Variants in MYO3B observed in about 807,000 individuals in gnomAD.
MYO3B encodes the protein myosin-IIIb.
In MYO3B, 156 loss-of-function variants were observed where a neutral mutation model predicts 174.6. The ratio of observed to expected loss-of-function variants is 0.89; its 90% CI spans 0.78 to 1.02. The LOEUF (loss-of-function observed/expected upper bound fraction) is 1.02, where lower values mean the gene tolerates loss of function less well. Ranked by LOEUF, MYO3B falls within the 50% of genes least tolerant of loss-of-function variation. The pLI, the probability that MYO3B is intolerant of heterozygous loss-of-function variation, is 0.00. For missense variants in MYO3B, 1,632 were observed against 1,639.4 expected (o/e 1.00, Z 0.08); for synonymous variants, 563 against 569.1 (o/e 0.99, Z 0.15).
intron 1 of MYO3B, among the ~76,000 whole-genome samples, chr2:170,183,321 T>A (rs2092426403): frequency 6.6e-6 from 1 of 152,196 alleles, no homozygotes. Flanking sequence ...ACAGTAAGGT[T>A]TTCTATCCAA....
In MYO3B at chr2:170,644,253, A is replaced by G. The variant is rs191881622; in HGVS notation, c.3734-7375A>G. 1.9e-3 allele frequency among the ~76,000 whole-genome samples: 291 copies of G among 152,124 alleles called. 1 individual carries two copies. The highest frequency in any genetic ancestry group is 6.8e-3 in the African/African-American group (282 of 41,514). ...TGTAATAAAGAATTATTGGTTGTTT[A>G]TCTGAAATTCAAATCTATCTAACTG... is the stretch of plus-strand genomic sequence containing the variant. On this transcript the variant is annotated intron_variant, in intron 32 of 34. Coordinates refer to ENST00000408978, the MANE Select transcript of MYO3B (RefSeq NM_138995.5).
chr2:170,333,164 G>T (rs28592793), intron 7 of MYO3B, among the ~76,000 whole-genome samples: 10 of 152,196 alleles, frequency 6.6e-5, no homozygotes, highest in African/African-American at 2.2e-4. Context: ...CGGCTGTAGA[G>T]ATGATCTAGG....
At chr2:170,259,674 T>A (rs1270912745) in intron 7 of MYO3B, among the ~76,000 whole-genome samples, 1 of 152,154 alleles carries the variant, frequency 6.6e-6, no homozygotes, top group Non-Finnish European at 1.5e-5. Flanking sequence ...TCAAAAGTAG[T>A]TGCAATGAAA....
Position 170,251,954 on chromosome 2 carries a change from A to G in MYO3B, c.749+15818A>G, listed in dbSNP as rs374984929. On this transcript the variant is annotated intron_variant, in intron 7 of 34. Transcript: ENST00000408978. ...GATGGTTAGTTAGATCCATGGCTGG[A>G]TCTCATACATTCTTACTCCTAAGTT... is the stretch of plus-strand genomic sequence containing the variant. 2.8e-4 allele frequency among the ~76,000 whole-genome samples: 43 copies of G among 152,330 alleles called. No individual in the cohort carries two copies. The South Asian group carries it at 3.7e-3, about 13-fold the overall frequency.
intron 25 of MYO3B, among the ~76,000 whole-genome samples, chr2:170,486,006 G>GA (rs1686025420): frequency 6.7e-6 from 1 of 149,624 alleles, no homozygotes; most frequent in Admixed American, 6.6e-5. Flanking sequence ...GAAAGAAAGA[G>GA]GGAGAGAGAG....
intron 32 of MYO3B, among the ~76,000 whole-genome samples, chr2:170,579,656 C>G (rs763413905): frequency 1.3e-5 from 2 of 152,212 alleles, no homozygotes; most frequent in Non-Finnish European, 2.9e-5. Context: ...TTGTCAGGGC[C>G]ATTGTCAGGG....
chr2:170,558,323 A>C (rs1226106378), intron 32 of MYO3B, among the ~76,000 whole-genome samples: 1 of 151,978 alleles, frequency 6.6e-6, no homozygotes, highest in African/African-American at 2.4e-5. Context: ...AAAATGCTTA[A>C]AACGAAAATG....
chr2:170,608,520 T>C (rs1379912069), intron 32 of MYO3B, among the ~76,000 whole-genome samples: 1 of 152,120 alleles, frequency 6.6e-6, no homozygotes, highest in African/African-American at 2.4e-5. Context: ...CTCCTTTGCT[T>C]CTCCAGAGGT....
Position 170,382,114 on chromosome 2 carries a change from T to C in MYO3B, c.1068+2T>C. 6.2e-7 allele frequency: 1 copy of C among 1,609,796 alleles called. No individual in the cohort carries two copies. The highest frequency in any genetic ancestry group is 2.2e-5 in the East Asian group (1 of 44,800). On this transcript the variant is annotated splice_donor_variant, in intron 10 of 34. Coordinates refer to ENST00000408978, the MANE Select transcript of MYO3B (RefSeq NM_138995.5). LOFTEE classifies it high-confidence loss of function. ...GTCAACCTAGAGGTTCTGGATGAGGTACTAAATATTTAGTAGACAATTCTC... is the reference window on the plus strand; with the variant it reads ...GTCAACCTAGAGGTTCTGGATGAGGCACTAAATATTTAGTAGACAATTCTC...
chr2:170,398,024 C>T (rs1451126391), intron 16 of MYO3B, among the ~76,000 whole-genome samples: 1 of 151,788 alleles, frequency 6.6e-6, no homozygotes, highest in Non-Finnish European at 1.5e-5. Context: ...GAGTTCAAGA[C>T]CAGCCTGACC....
chr2:170,321,719 A>G (rs2093827795), intron 7 of MYO3B, among the ~76,000 whole-genome samples: 1 of 152,088 alleles, frequency 6.6e-6, no homozygotes, highest in Non-Finnish European at 1.5e-5. Flanking sequence ...CTTAATGTTG[A>G]TGTATTTATT....
At chr2:170,381,807 G>A (rs1043630034) in intron 9 of MYO3B, among the ~76,000 whole-genome samples, 6 of 152,180 alleles carry the variant, frequency 3.9e-5, no homozygotes, top group Non-Finnish European at 8.8e-5. Flanking sequence ...ACTCTGGCAG[G>A]AAGTAGACTT....
chr2:170,591,554 A>G (rs565650855), intron 32 of MYO3B, among the ~76,000 whole-genome samples: 1 of 151,932 alleles, frequency 6.6e-6, no homozygotes, highest in Admixed American at 6.5e-5. Flanking sequence ...TAGTGTAGAA[A>G]GGGAGGGTGC....
intron 22 of MYO3B, among the ~76,000 whole-genome samples, chr2:170,410,280 T>C (rs1219330852): frequency 1.3e-5 from 2 of 152,060 alleles, no homozygotes; most frequent in South Asian, 2.1e-4. Context: ...AAGATCAAAG[T>C]TGAGGCCAGG....
At chr2:170,265,394 A>C (rs1421865018) in intron 7 of MYO3B, among the ~76,000 whole-genome samples, 1 of 152,258 alleles carries the variant, frequency 6.6e-6, no homozygotes, top group Non-Finnish European at 1.5e-5. Flanking sequence ...AAAAACCTAC[A>C]TTATATGTGA....
intron 22 of MYO3B, among the ~76,000 whole-genome samples, chr2:170,414,886 A>G (rs2094568606): frequency 6.6e-6 from 1 of 152,224 alleles, no homozygotes; most frequent in African/African-American, 2.4e-5. Context: ...GCTAATATGT[A>G]GAAATACAGA....
chr2:170,359,002 A>C (rs1051967785), intron 8 of MYO3B, among the ~76,000 whole-genome samples: 1 of 152,190 alleles, frequency 6.6e-6, no homozygotes, highest in Non-Finnish European at 1.5e-5. Context: ...TAGTCAGAAA[A>C]GTAAAAGAAT....
At chr2:170,231,867 A>C (rs1445067825) in intron 6 of MYO3B, among the ~76,000 whole-genome samples, 2 of 152,258 alleles carry the variant, frequency 1.3e-5, no homozygotes. Context: ...GTAGAATATT[A>C]GAGCTAGAAG....
chr2:170,411,969 C>T (rs1341936023), intron 22 of MYO3B: 1 of 152,226 alleles, frequency 6.6e-6, no homozygotes, highest in Non-Finnish European at 1.5e-5. Context: ...CTTTTGCCTG[C>T]AGATGGGCCA....
Sources: allele counts gnomAD v4.1 joint callset (sites outside exome capture counted in the v4.1 genomes callset), GRCh38; gene constraint gnomAD v4.1.1; transcripts MANE v1.5; gene names NCBI Gene and HGNC (gene_info 2026-07-23, HGNC 2026-07-21).